S100Z: variants seen among roughly 807,000 people sequenced by gnomAD.
S100Z encodes S100 calcium binding protein Z.
A neutral mutation model predicts 8.5 loss-of-function variants in S100Z; 11 were observed. That is an observed-to-expected ratio of 1.30 (90% confidence interval 0.82 to 2.15). The LOEUF (loss-of-function observed/expected upper bound fraction) is 2.15. Ranked by LOEUF, S100Z falls within the 30% of genes most tolerant of loss-of-function variation. The probability of loss-of-function intolerance (pLI) is 0.00; values close to 1 mark genes in which losing one functional copy is unlikely to be tolerated. For missense variants in S100Z, 126 were observed against 117.9 expected, an observed-to-expected ratio of 1.07 and a Z score of -0.32; for synonymous variants, 34 against 43.8, an observed-to-expected ratio of 0.78 and a Z score of 0.89.
At chr5:76,941,107 C>T in the S100Z span, among the ~76,000 whole-genome samples, 2 of 152,110 alleles carry the variant, frequency 1.3e-5, no homozygotes, top group Non-Finnish European at 2.9e-5. Context: ...ATTGGCTCAC[C>T]GTTCTGCAGG....
At chr5:76,907,494 G>A (rs1744497677) in intron 4 of S100Z, among the ~76,000 whole-genome samples, 1 of 152,058 alleles carries the variant, frequency 6.6e-6, no homozygotes, top group African/African-American at 2.4e-5. Flanking sequence ...TAGTAGAGAT[G>A]TGGTTTCACC....
chr5:76,945,803 G>A, the S100Z span, among the ~76,000 whole-genome samples: 2 of 152,198 alleles, frequency 1.3e-5, no homozygotes, highest in African/African-American at 4.8e-5. Context: ...ACCGGTGCCG[G>A]TGCTGGTCCT....
chr5:76,870,231 A>G lies in S100Z; in HGVS notation c.-110A>G, dbSNP rs139149353. The G allele has an allele frequency of 6.6e-6, 1 of 152,258 alleles. No individual in the cohort carries two copies. The highest frequency in any genetic ancestry group is 2.4e-5 in the African/African-American group (1 of 41,524). The allele number at this position is 152,258 out of a possible 1,614,324, so 9.4% of individuals were successfully genotyped here. On this transcript the variant is annotated 5_prime_UTR_variant, in exon 2 of 5. Transcript: ENST00000317593. ...TCTCCAGAAAAATGCTTTGAAGACA[A>G]AGGATACAGCATACAGTCCCGTGTC...
chr5:76,888,264 A>C (rs1392935325), intron 4 of S100Z, among the ~76,000 whole-genome samples: 1 of 151,234 alleles, frequency 6.6e-6, no homozygotes, highest in Non-Finnish European at 1.5e-5. Flanking sequence ...CTCAAAAAAA[A>C]GAAAAAAAAA....
chr5:76,903,221 C>T (rs993900013), intron 4 of S100Z, among the ~76,000 whole-genome samples: 1 of 152,104 alleles, frequency 6.6e-6, no homozygotes, highest in Non-Finnish European at 1.5e-5. Flanking sequence ...GGTTGCTTTT[C>T]ATCATCACCA....
At position 76,875,266 on chromosome 5, in the gene S100Z, A is replaced by C. The variant is rs1175486432; in HGVS notation, c.-56-38A>C. On this transcript the variant is annotated intron_variant, in intron 2 of 4. Transcript: ENST00000317593. ...GGATTGTAATATTCTGTTTTAATGA[A>C]AGTGTTGGTGTTTCCTCATCTGTTT... 7.4e-6 allele frequency: 8 copies of C among 1,075,006 alleles called. No individual in the cohort carries two copies. The East Asian group carries it at 2.1e-4, about 28-fold the overall frequency. The allele number at this position is 1,075,006 out of a possible 1,614,324, so 66.6% of individuals were successfully genotyped here.
At chr5:76,906,994 A>ATATG in intron 4 of S100Z, among the ~76,000 whole-genome samples, 1 of 14,466 alleles carries the variant, frequency 6.9e-5, no homozygotes, top group Non-Finnish European at 1.5e-4. Flanking sequence ...ATATATATAT[A>ATATG]TATATATATA....
intron 4 of S100Z, among the ~76,000 whole-genome samples, chr5:76,917,766 T>C (rs1309979738): frequency 7.2e-6 from 1 of 138,426 alleles, no homozygotes; most frequent in East Asian, 2.1e-4. Flanking sequence ...GAGGTTGCAG[T>C]AAACCGAGAT....
At chr5:76,861,506 T>G (rs948546394) in intron 1 of S100Z, among the ~76,000 whole-genome samples, 5 of 152,084 alleles carry the variant, frequency 3.3e-5, no homozygotes, top group Non-Finnish European at 5.9e-5. Flanking sequence ...GCCTAGCTAA[T>G]TTTTGTATTT....
intron 4 of S100Z, among the ~76,000 whole-genome samples, chr5:76,896,743 A>C (rs1199477763): frequency 2.0e-5 from 3 of 152,200 alleles, no homozygotes; most frequent in African/African-American, 7.2e-5. Context: ...ACCCGGGGTG[A>C]GATAATATCT....
chr5:76,864,892 A>G (rs1751211451), intron 1 of S100Z, among the ~76,000 whole-genome samples: 1 of 151,890 alleles, frequency 6.6e-6, no homozygotes, highest in Admixed American at 6.6e-5. Flanking sequence ...TATTTTTAGT[A>G]GAGATGGCAT....
intron 4 of S100Z, among the ~76,000 whole-genome samples, chr5:76,885,913 G>A (rs1743610090): frequency 6.7e-6 from 1 of 149,976 alleles, no homozygotes; most frequent in African/African-American, 2.5e-5. Context: ...GAGAGAAGGA[G>A]TGGGGGGTGC....
intron 4 of S100Z, among the ~76,000 whole-genome samples, chr5:76,895,695 C>T (rs1744008479): frequency 6.6e-6 from 1 of 151,448 alleles, no homozygotes; most frequent in African/African-American, 2.4e-5. Context: ...TAAAAGCAAT[C>T]CAATTACATT....
At position 76,903,684 on chromosome 5, in the gene S100Z, G is replaced by A. The variant is rs577272373; in HGVS notation, c.*3-17033G>A. Among the ~76,000 whole-genome samples the A allele has an allele frequency of 1.5e-4, 23 of 151,154 alleles. No individual in the cohort carries two copies. In the South Asian group the frequency reaches 4.8e-3, roughly 32 times the overall value. On this transcript the variant is annotated intron_variant, in intron 4 of 4. Coordinates refer to ENST00000317593, the MANE Select transcript of S100Z (RefSeq NM_130772.4). ...TTTCCCTAACAATGAATGATTTTGA[G>A]CATTTCTTTATGTGCTTATTTGACA... is the stretch of plus-strand genomic sequence containing the variant.
intron 1 of S100Z, among the ~76,000 whole-genome samples, chr5:76,862,124 A>AGTGTGTGTGTGTGTGT (rs374825870): frequency 5.2e-4 from 72 of 138,510 alleles, no homozygotes; most frequent in Middle Eastern, 7.1e-3. Context: ...AGGGATAAGG[A>AGTGTGTGTGTGTGTGT]GTGTGCGTGT....
At chr5:76,904,605 T>G (rs1744360696) in intron 4 of S100Z, among the ~76,000 whole-genome samples, 1 of 152,252 alleles carries the variant, frequency 6.6e-6, no homozygotes. Flanking sequence ...ACTGCATTTA[T>G]GTTTGAAATG....
At chr5:76,905,519 T>A (rs1054141818) in intron 4 of S100Z, among the ~76,000 whole-genome samples, 1 of 151,954 alleles carries the variant, frequency 6.6e-6, no homozygotes, top group South Asian at 2.1e-4. Flanking sequence ...TTTGCACCAT[T>A]CTTCTGCCTC....
intron 1 of S100Z, among the ~76,000 whole-genome samples, chr5:76,861,139 G>C (rs1004200724): frequency 2.0e-5 from 3 of 152,192 alleles, no homozygotes; most frequent in African/African-American, 7.2e-5. Context: ...TTGTGTTGCA[G>C]TCAGCTGAAG....
At chr5:76,941,588 G>A in the S100Z span, among the ~76,000 whole-genome samples, 5 of 152,172 alleles carry the variant, frequency 3.3e-5, no homozygotes, top group Admixed American at 6.5e-5. Context: ...TATTAGCAGC[G>A]TGAGAACAGA....
Sources: allele counts gnomAD v4.1 joint callset (sites outside exome capture counted in the v4.1 genomes callset), GRCh38; gene constraint gnomAD v4.1.1; transcripts MANE v1.5; gene names NCBI Gene and HGNC (gene_info 2026-07-23, HGNC 2026-07-21).